The following HECTD4 variants were observed in gnomAD, a reference collection of about 807,000 sequenced individuals.
HECTD4 encodes the protein HECT domain E3 ubiquitin protein ligase 4.
Under a neutral mutation model 471.5 loss-of-function variants are expected in HECTD4, and 114 were observed. The ratio of observed to expected loss-of-function variants is 0.24; its 90% CI spans 0.21 to 0.28. The LOEUF is 0.28. HECTD4 is among the 10% of genes least tolerant of loss of function. The pLI is 1.00. For missense variants in HECTD4, 3,866 were observed against 5,651.5 expected, an observed-to-expected ratio of 0.68 and a Z score of 10.13; for synonymous variants, 2,012 against 2,256.0, an observed-to-expected ratio of 0.89 and a Z score of 3.07.
At position 112,172,980 on chromosome 12, in the gene HECTD4, G is replaced by T. The variant is rs2031291044; in HGVS notation, c.11595-119C>A. On this transcript the variant is annotated intron_variant, in intron 66 of 75. Coordinates refer to ENST00000682272, the MANE Select transcript of HECTD4 (RefSeq NM_001388303.1). ...TGGAGCACATTCAGAAGACGGCCTC[G>T]CCTTCCAGGTTGTTTCTTGGTGCCT... The T allele has an allele frequency of 1.2e-4, 103 of 853,218 alleles. 4 individuals carry two copies. The South Asian group carries it at 1.6e-3, about 13-fold the overall frequency. The allele number at this position is 853,218 out of a possible 1,614,324, so 52.9% of individuals were successfully genotyped here.
chr12:112,206,505 T>TA (rs1288420367), intron 52 of HECTD4, among the ~76,000 whole-genome samples: 2 of 144,350 alleles, frequency 1.4e-5, no homozygotes, highest in Non-Finnish European at 3.0e-5. Flanking sequence ...AAAAAAATAA[T>TA]AAAAAAAGTG....
At chr12:112,377,338 T>C (rs975201322) in intron 1 of HECTD4, among the ~76,000 whole-genome samples, 2 of 152,148 alleles carry the variant, frequency 1.3e-5, no homozygotes, top group Admixed American at 6.6e-5. Flanking sequence ...TTTACTGAGC[T>C]ATACTTTTCT....
intron 1 of HECTD4, among the ~76,000 whole-genome samples, chr12:112,335,983 T>C (rs1454869762): frequency 6.6e-6 from 1 of 151,828 alleles, no homozygotes; most frequent in Non-Finnish European, 1.5e-5. Context: ...CTGATGAAGT[T>C]ATATACCATC....
chr12:112,234,355 C>T (rs537109450), intron 37 of HECTD4, among the ~76,000 whole-genome samples: 6 of 152,256 alleles, frequency 3.9e-5, no homozygotes, highest in South Asian at 4.2e-4. Context: ...GCCATAATCC[C>T]GCTTAGTTTA....
intron 44 of HECTD4, among the ~76,000 whole-genome samples, chr12:112,221,839 C>T (rs2033105390): frequency 1.3e-5 from 2 of 151,712 alleles, no homozygotes; most frequent in Admixed American, 1.3e-4. Context: ...ACTACAACCT[C>T]TGCCTCCTGG....
chr12:112,215,500 G>A (rs965019051), intron 48 of HECTD4, among the ~76,000 whole-genome samples: 1 of 152,198 alleles, frequency 6.6e-6, no homozygotes, highest in African/African-American at 2.4e-5. Context: ...TACAGATCTA[G>A]TTATTTACAT....
intron 1 of HECTD4, among the ~76,000 whole-genome samples, chr12:112,336,564 G>A (rs1240215884): frequency 6.6e-6 from 1 of 151,420 alleles, no homozygotes; most frequent in Non-Finnish European, 1.5e-5. Flanking sequence ...TTGGAAATTT[G>A]AATACTGCCA....
In HECTD4 at chr12:112,314,501, T is replaced by C; in HGVS notation, c.741A>G (p.Lys247=). ...CAGGCAGGGACCCTAGATCCGTCTG[T>C]TTCTGTAATAGATGGACTGTGTGGA... ...TFVHTVHLLQ[K]QTDLGSLPVA... The change falls in exon 3 of 76, where the codon AAA becomes AAG. Residue 247 remains lysine, a synonymous_variant. Transcript: ENST00000682272. The C allele has an allele frequency of 6.5e-7, 1 of 1,533,084 alleles. No homozygotes were observed. The highest frequency in any genetic ancestry group is 8.7e-7 in the Non-Finnish European group (1 of 1,144,188). 95.0% of individuals were successfully genotyped at this position (1,533,084 alleles called of 1,614,324 possible). A position where few individuals can be genotyped will look rare whatever the true frequency, so the allele number is the denominator to read the frequency against.
rs147241653 is a variant in HECTD4, at chr12:112,290,269, G to A, written c.1336-6967C>T. 9.7e-4 allele frequency among the ~76,000 whole-genome samples: 148 copies of A among 151,854 alleles called. 2 individuals are homozygous for A. In the East Asian group the frequency reaches 0.026, roughly 27 times the overall value. On this transcript the variant is annotated intron_variant, in intron 7 of 75. Coordinates refer to ENST00000682272, the MANE Select transcript of HECTD4 (RefSeq NM_001388303.1). ...CGGGAGGTTGAGGCTACAGTAAGCC[G>A]TGATCATACCACTGCACTCCAGCCT...
In HECTD4 at chr12:112,247,591, A is replaced by G. The variant is rs1593973381; in HGVS notation, c.4249-41T>C. On this transcript the variant is annotated intron_variant, in intron 27 of 75. Transcript: ENST00000682272. ...ATGGTATGCAGAATCTGCAAGAACC[A>G]AGTTTTACTATACATATATTAAAAT... 13 of 949,148 alleles carry G rather than the reference A, an allele frequency of 1.4e-5. No homozygotes were observed. The East Asian group carries it at 3.4e-4, about 25-fold the overall frequency. The allele number at this position is 949,148 out of a possible 1,614,324, so 58.8% of individuals were successfully genotyped here.
chr12:112,254,715 T>A (rs1203844732), intron 21 of HECTD4, among the ~76,000 whole-genome samples: 1 of 152,186 alleles, frequency 6.6e-6, no homozygotes, highest in Non-Finnish European at 1.5e-5. Context: ...CTTAATGGTA[T>A]AAAAAGAAAA....
chr12:112,277,802 T>G (rs977100161), intron 9 of HECTD4, among the ~76,000 whole-genome samples: 3 of 152,196 alleles, frequency 2.0e-5, no homozygotes, highest in African/African-American at 7.2e-5. Flanking sequence ...TATATATAAC[T>G]CTCCATAATG....
At position 112,184,992 on chromosome 12, in the gene HECTD4, G is replaced by A; in HGVS notation, c.9974C>T (p.Ser3325Leu). Reference protein sequence around the residue: ...VKMKREKASSSGKRQSSRTVD... With the variant: ...VKMKREKASSLGKRQSSRTVD... ...GGTGCGGGAAGACTGGCGCTTGCCC[G>A]ACGAGGAGGCCTTTTCCCGCTTCAT... Residue 3325 changes from serine (S) to leucine (L), a missense_variant, in exon 61 of 76, where the codon TCG becomes TTG. By Grantham distance (145) the Ser-to-Leu change is moderately radical (BLOSUM62 -2). This residue lies in a region of HECTD4 where 57 missense variants were observed against 49.8 expected (regional missense o/e 1.14). Transcript: ENST00000682272. The surrounding 1 kb of genome is among the most constrained non-coding windows in gnomAD (Gnocchi z 9.1). 6.2e-7 allele frequency: 1 copy of A among 1,611,834 alleles called. No homozygotes were observed. Among genetic ancestry groups the A allele is most frequent in the Non-Finnish European group, 8.5e-7 (1 of 1,179,046 alleles).
intron 1 of HECTD4, among the ~76,000 whole-genome samples, chr12:112,325,797 T>C (rs529148202): frequency 5.1e-4 from 77 of 151,666 alleles, no homozygotes; most frequent in Non-Finnish European, 9.9e-4. Context: ...ACACATAACA[T>C]ATGTGTTTTG....
rs534839272 is a variant in HECTD4, at chr12:112,263,707, T to TTATA, written c.2748+373_2748+376dup. 3.4e-3 allele frequency among the ~76,000 whole-genome samples: 472 copies of TTATA among 137,900 alleles called. 4 individuals are homozygous for TTATA. Among genetic ancestry groups the TTATA allele is most frequent in the African/African-American group, 0.012 (429 of 34,396 alleles). The allele number at this position is 137,900 out of a possible 152,430, so 90.5% of individuals were successfully genotyped here. ...AAATTATTTAATGCTCCCAAGATTT[T>TTATA]TATATATATATATATATACACACAC... On this transcript the variant is annotated intron_variant, in intron 17 of 75. Coordinates refer to ENST00000682272, the MANE Select transcript of HECTD4 (RefSeq NM_001388303.1).
At chr12:112,332,741 T>C (rs1298089587) in intron 1 of HECTD4, among the ~76,000 whole-genome samples, 1 of 151,490 alleles carries the variant, frequency 6.6e-6, no homozygotes, top group African/African-American at 2.4e-5. Context: ...ACCTAAAATA[T>C]AATTCAATGG....
rs1191692422 is a variant in HECTD4, at chr12:112,380,536, C to T, written c.177+1416G>A. On this transcript the variant is annotated intron_variant, in intron 1 of 75. Coordinates refer to ENST00000682272, the MANE Select transcript of HECTD4 (RefSeq NM_001388303.1). The stretch of plus-strand genomic sequence containing the variant: ...CAATTAAATCAAAAGATTCCACTAT[C>T]ATAGCATAATACCCCTTGAGTTTTC... Among the ~76,000 whole-genome samples the T allele has an allele frequency of 2.6e-5, 4 of 152,276 alleles. No individual in the cohort carries two copies. The South Asian group carries it at 6.2e-4, about 24-fold the overall frequency.
In HECTD4 at chr12:112,161,343, G is replaced by A. The variant is rs1209464373; in HGVS notation, c.*1044C>T. 6.6e-6 allele frequency: 1 copy of A among 152,226 alleles called. No homozygotes were observed. Among genetic ancestry groups the A allele is most frequent in the Non-Finnish European group, 1.5e-5 (1 of 68,082 alleles). The allele number at this position is 152,226 out of a possible 1,614,324, so 9.4% of individuals were successfully genotyped here. On this transcript the variant is annotated 3_prime_UTR_variant, in exon 76 of 76. Transcript: ENST00000682272. The stretch of plus-strand genomic sequence containing the variant: ...GAGTGCTGGGTGGGGCTGGCCAGAG[G>A]GGCAGAAGGACCCCCCTGGAGTCTC...
chr12:112,243,182 C>G lies in HECTD4; in HGVS notation c.4958+171G>C, dbSNP rs114737127. ...AAGAAGGTGAATACTGAGAGTTTTACGTTCTATTAATATGTTGAGTTTTTT... is the reference window on the plus strand; with the variant it reads ...AAGAAGGTGAATACTGAGAGTTTTAGGTTCTATTAATATGTTGAGTTTTTT... On this transcript the variant is annotated intron_variant, in intron 32 of 75. Transcript: ENST00000682272. This position sits in a 1 kb window ranked among gnomAD's most constrained non-coding sequence, Gnocchi z 6.6. 6.6e-6 allele frequency among the ~76,000 whole-genome samples: 1 copy of G among 152,090 alleles called. No homozygotes were observed. Among genetic ancestry groups the G allele is most frequent in the East Asian group, 1.9e-4 (1 of 5,200 alleles).
Sources: gnomAD v4.1 joint callset for allele counts (sites outside exome capture counted in the v4.1 genomes callset) on GRCh38, gnomAD v4.1.1 for gene constraint, gnomAD v4.1.1 regional missense constraint, Gnocchi (gnomAD v3.1) non-coding constraint, MANE v1.5 for transcripts, NCBI Gene and HGNC (gene_info 2026-07-23, HGNC 2026-07-21) for gene names.